ADAMTS16: variants seen among roughly 807,000 people sequenced by gnomAD.
ADAMTS16 encodes the protein ADAM metallopeptidase with thrombospondin type 1 motif 16.
ADAMTS16 carries 94 observed loss-of-function variants against 145.8 expected under a neutral mutation model. The observed-to-expected ratio is 0.64, with a 90% CI of 0.55 to 0.77. ADAMTS16 has a LOEUF of 0.77. ADAMTS16 is among the 30% of genes least tolerant of loss of function. The probability of loss-of-function intolerance (pLI) is 0.00; values close to 1 mark genes in which losing one functional copy is unlikely to be tolerated. For missense variants in ADAMTS16, 1,585 were observed against 1,591.5 expected (o/e 1.00, Z 0.07); for synonymous variants, 659 against 604.3 (o/e 1.09, Z -1.33).
intron 3 of ADAMTS16, among the ~76,000 whole-genome samples, chr5:5,163,207 C>T (rs1024247391): frequency 6.6e-6 from 1 of 152,160 alleles, no homozygotes; most frequent in Non-Finnish European, 1.5e-5. Context: ...CAATGAGTGA[C>T]AAGCATACAC....
intron 13 of ADAMTS16, 116 bp from the exon 14 acceptor site, chr5:5,236,853 T>C: frequency 7.7e-7 from 1 of 1,299,174 alleles, no homozygotes; most frequent in Non-Finnish European, 1.0e-6. Context: ...TAATGTATTA[T>C]TGTGTGGGAG....
At chr5:5,205,448 T>G (rs573462399) in intron 9 of ADAMTS16, among the ~76,000 whole-genome samples, 3 of 152,244 alleles carry the variant, frequency 2.0e-5, no homozygotes, top group African/African-American at 7.2e-5. Context: ...AAAGTCAACA[T>G]TCATTTTATC....
chr5:5,294,015 G>A (rs185602833), intron 18 of ADAMTS16, among the ~76,000 whole-genome samples: 3 of 152,298 alleles, frequency 2.0e-5, no homozygotes, highest in East Asian at 1.9e-4. Context: ...CCGTGCCCTG[G>A]GAAATGGGGA....
At chr5:5,277,763 A>G (rs1375606444) in intron 18 of ADAMTS16, among the ~76,000 whole-genome samples, 1 of 152,160 alleles carries the variant, frequency 6.6e-6, no homozygotes, top group Non-Finnish European at 1.5e-5. Context: ...ATCGCTTGAG[A>G]TAGGAGTTTG....
At chr5:5,272,525 C>G (rs1055400922) in intron 18 of ADAMTS16, among the ~76,000 whole-genome samples, 1 of 148,108 alleles carries the variant, frequency 6.8e-6, no homozygotes, top group Non-Finnish European at 1.5e-5. Context: ...CTACGCCTGG[C>G]TAATTTTTTT....
In ADAMTS16 at chr5:5,200,227, C is replaced by A. The variant is rs766351634; in HGVS notation, c.1409C>A (p.Ser470Tyr). The change falls in exon 9 of 23, where the codon TCC (serine) becomes TAC (tyrosine). Residue 470 changes from serine to tyrosine, a missense_variant. Coordinates refer to ENST00000274181, the MANE Select transcript of ADAMTS16 (RefSeq NM_139056.4). Reference protein sequence around the residue: ...PTLAGRNGVFSWSPCSRQYLH... With the variant: ...PTLAGRNGVFYWSPCSRQYLH... ...TTGGCAGGACGCAATGGAGTCTTCT[C>A]CTGGTCACCCTGCAGCCGCCAGTAT... 6.8e-6 allele frequency: 11 copies of A among 1,613,260 alleles called. No homozygotes were observed. In the South Asian group the frequency reaches 1.1e-4, roughly 16 times the overall value.
At chr5:5,300,532 A>C (rs531516361) in intron 18 of ADAMTS16, among the ~76,000 whole-genome samples, 1 of 152,354 alleles carries the variant, frequency 6.6e-6, no homozygotes, top group East Asian at 1.9e-4. Context: ...ATTTTCTTAA[A>C]AATATAATTG....
intron 10 of ADAMTS16, among the ~76,000 whole-genome samples, chr5:5,220,498 T>G (rs1018255816): frequency 3.9e-5 from 6 of 152,082 alleles, no homozygotes; most frequent in Non-Finnish European, 5.9e-5. Context: ...CTTGTATTAT[T>G]TTGAGTAGCC....
chr5:5,280,180 C>T (rs1320047739), intron 18 of ADAMTS16, among the ~76,000 whole-genome samples: 3 of 152,068 alleles, frequency 2.0e-5, no homozygotes, highest in African/African-American at 7.2e-5. Context: ...TGAATCCAGG[C>T]ACGTTAAGAC....
intron 3 of ADAMTS16, among the ~76,000 whole-genome samples, chr5:5,178,695 A>G (rs1735259031): frequency 6.6e-6 from 1 of 152,212 alleles, no homozygotes; most frequent in Non-Finnish European, 1.5e-5. Context: ...TGAAAACTCA[A>G]AAATCTGCCA....
intron 5 of ADAMTS16, 115 bp downstream of exon 5, chr5:5,186,366 G>A (rs1735499909): frequency 1.1e-6 from 1 of 945,928 alleles, no homozygotes; most frequent in African/African-American, 1.7e-5. Context: ...GTGGATTGAT[G>A]TTCCATATAT....
At chr5:5,228,537 A>T (rs1736831188) in intron 11 of ADAMTS16, among the ~76,000 whole-genome samples, 1 of 152,140 alleles carries the variant, frequency 6.6e-6, no homozygotes, top group African/African-American at 2.4e-5. Flanking sequence ...CTCACACAAA[A>T]GCTCTATTTA....
chr5:5,149,254 G>A (rs917999499), intron 3 of ADAMTS16, among the ~76,000 whole-genome samples: 5 of 152,060 alleles, frequency 3.3e-5, no homozygotes, highest in African/African-American at 1.2e-4. Context: ...TGGAAAAAGG[G>A]TCCCTGTTAT....
chr5:5,224,185 C>T (rs1044950090), intron 11 of ADAMTS16, among the ~76,000 whole-genome samples: 13 of 151,948 alleles, frequency 8.6e-5, no homozygotes, highest in Admixed American at 3.3e-4. Context: ...CCTCGAAGGG[C>T]GTGAAATTGA....
chr5:5,189,558 T>C (rs965239642), intron 6 of ADAMTS16, among the ~76,000 whole-genome samples: 1 of 152,266 alleles, frequency 6.6e-6, no homozygotes, highest in Non-Finnish European at 1.5e-5. Context: ...CTTAACTTGG[T>C]TATGAGATAA....
intron 9 of ADAMTS16, among the ~76,000 whole-genome samples, chr5:5,202,990 G>A (rs1736003024): frequency 6.6e-6 from 1 of 152,154 alleles, no homozygotes; most frequent in Admixed American, 6.5e-5. Flanking sequence ...GGAATTAAAA[G>A]CCATTTTCTT....
intron 8 of ADAMTS16, among the ~76,000 whole-genome samples, chr5:5,194,577 G>T (rs1425511526): frequency 6.6e-6 from 1 of 152,178 alleles, no homozygotes; most frequent in Non-Finnish European, 1.5e-5. Context: ...CAAATGAATT[G>T]TTAGCTGTGA....
intron 18 of ADAMTS16, among the ~76,000 whole-genome samples, chr5:5,295,106 T>G (rs1434848050): frequency 6.6e-6 from 1 of 152,232 alleles, no homozygotes; most frequent in African/African-American, 2.4e-5. Flanking sequence ...CCAAGCATTT[T>G]TTTGAGTAGG....
chr5:5,299,741 G>A lies in ADAMTS16; in HGVS notation c.2790-3527G>A, dbSNP rs745584992. Among the ~76,000 whole-genome samples, 6 of 150,852 alleles carry A rather than the reference G, an allele frequency of 4.0e-5. No individual in the cohort carries two copies. In the South Asian group the frequency reaches 6.2e-4, roughly 16 times the overall value. Reference sequence around the variant, plus strand: ...GGTCCTGAGGGCCAGTGGGGACTGCGTCTCCAGAGTCCCGCAGTGGAAACT... The same window carrying A: ...GGTCCTGAGGGCCAGTGGGGACTGCATCTCCAGAGTCCCGCAGTGGAAACT... On this transcript the variant is annotated intron_variant, in intron 18 of 22. Transcript: ENST00000274181.
Sources: allele counts gnomAD v4.1 joint callset (sites outside exome capture counted in the v4.1 genomes callset), GRCh38; gene constraint gnomAD v4.1.1; transcripts MANE v1.5; gene names NCBI Gene and HGNC (gene_info 2026-07-23, HGNC 2026-07-21).